Variants in BAZ2B observed in about 807,000 individuals in gnomAD.
The protein encoded by BAZ2B is bromodomain adjacent to zinc finger domain protein 2B.
Under a neutral mutation model 246.0 loss-of-function variants are expected in BAZ2B, and 91 were observed. The ratio of observed to expected loss-of-function variants is 0.37; its 90% CI spans 0.31 to 0.44. The LOEUF (loss-of-function observed/expected upper bound fraction) is 0.44, where lower values mean the gene tolerates loss of function less well. BAZ2B is among the 20% of genes least tolerant of loss of function. The probability of loss-of-function intolerance (pLI) is 1.00; values close to 1 mark genes in which losing one functional copy is unlikely to be tolerated. For synonymous variants in BAZ2B, 855 were observed against 860.0 expected (o/e 0.99, Z 0.10); for missense variants, 2,332 against 2,533.7 (o/e 0.92, Z 1.71).
the BAZ2B span, among the ~76,000 whole-genome samples, chr2:159,654,621 C>T: frequency 6.6e-6 from 1 of 151,764 alleles, no homozygotes; most frequent in South Asian, 2.1e-4. Flanking sequence ...AAAAAAATGC[C>T]AGAAGAACTT....
At chr2:159,610,756 G>A (rs891197336) in intron 1 of BAZ2B, among the ~76,000 whole-genome samples, 1 of 151,914 alleles carries the variant, frequency 6.6e-6, no homozygotes, top group African/African-American at 2.4e-5. Flanking sequence ...TTTTTAAAGC[G>A]TTATCTTTTA....
chr2:159,512,614 G>A (rs1237610538), intron 2 of BAZ2B, among the ~76,000 whole-genome samples: 2 of 152,192 alleles, frequency 1.3e-5, no homozygotes, highest in Non-Finnish European at 2.9e-5. Context: ...CTTAATCTTT[G>A]AAGTTTTATA....
chr2:159,318,217 C>T (rs2062313770), downstream of BAZ2B, among the ~76,000 whole-genome samples: 1 of 152,114 alleles, frequency 6.6e-6, no homozygotes, highest in South Asian at 2.1e-4. Context: ...GTTCTAGAAA[C>T]ACAAAAACCA....
At chr2:159,456,730 G>A (rs1315092052) in intron 3 of BAZ2B, among the ~76,000 whole-genome samples, 2 of 152,148 alleles carry the variant, frequency 1.3e-5, no homozygotes, top group Admixed American at 6.5e-5. Flanking sequence ...AGCATGGAAA[G>A]CATCCTTAGT....
chr2:159,602,175 A>G (rs887627552), intron 1 of BAZ2B, among the ~76,000 whole-genome samples: 33 of 152,228 alleles, frequency 2.2e-4, no homozygotes, highest in African/African-American at 7.5e-4. Context: ...CATAAATGAA[A>G]AAAATGATAC....
chr2:159,539,338 C>A (rs767625885), intron 2 of BAZ2B, among the ~76,000 whole-genome samples: 11 of 152,214 alleles, frequency 7.2e-5, no homozygotes, highest in Non-Finnish European at 1.2e-4. Flanking sequence ...CCATGAATTT[C>A]TCTTCAAGAT....
intron 14 of BAZ2B, among the ~76,000 whole-genome samples, chr2:159,410,182 CTGACAA>C (rs772446984): frequency 2.6e-4 from 39 of 152,184 alleles, no homozygotes; most frequent in Non-Finnish European, 4.4e-4. Context: ...CAATAGCTTA[CTGACAA>C]TATCAGTTTT....
At chr2:159,582,185 T>G (rs1686983067) in intron 1 of BAZ2B, among the ~76,000 whole-genome samples, 1 of 152,212 alleles carries the variant, frequency 6.6e-6, no homozygotes, top group Admixed American at 6.5e-5. Flanking sequence ...AATGCATATT[T>G]AATTAGATTT....
intron 2 of BAZ2B, among the ~76,000 whole-genome samples, chr2:159,484,131 T>C (rs2079557401): frequency 6.6e-6 from 1 of 152,178 alleles, no homozygotes; most frequent in Non-Finnish European, 1.5e-5. Flanking sequence ...TACCCTAAAA[T>C]GGACAAGAAG....
intron 26 of BAZ2B, among the ~76,000 whole-genome samples, chr2:159,374,039 T>A (rs1434776775): frequency 6.6e-6 from 1 of 151,380 alleles, no homozygotes; most frequent in East Asian, 1.9e-4. Flanking sequence ...TAAATTTCAC[T>A]AATGCTATGA....
At chr2:159,475,760 T>C (rs1455391368) in intron 3 of BAZ2B, among the ~76,000 whole-genome samples, 1 of 152,232 alleles carries the variant, frequency 6.6e-6, no homozygotes, top group Admixed American at 6.5e-5. Context: ...TTTTTGTTGA[T>C]ATTGATGCTA....
Position 159,446,954 on chromosome 2 carries a change from C to A in BAZ2B, c.524G>T (p.Gly175Val). The change falls in exon 6 of 37, where the codon GGA (glycine) becomes GTA (valine). Residue 175 changes from glycine to valine, a missense_variant. Transcript: ENST00000392783. ...ACCAATTACAGATGATGTATTACTT[C>A]CATTTATTGACCCATTTACACCTTG... is the stretch of plus-strand genomic sequence containing the variant. ...PEKGVNGSINGSNTSSVIGIN... is the reference protein window; with the variant it reads ...PEKGVNGSINVSNTSSVIGIN... The A allele has an allele frequency of 6.3e-7, 1 of 1,580,372 alleles. No individual in the cohort carries two copies. The highest frequency in any genetic ancestry group is 8.6e-7 in the Non-Finnish European group (1 of 1,165,830).
At chr2:159,484,748 C>T (rs184109780) in intron 2 of BAZ2B, among the ~76,000 whole-genome samples, 1 of 152,166 alleles carries the variant, frequency 6.6e-6, no homozygotes, top group African/African-American at 2.4e-5. Context: ...AGACACGTTG[C>T]CTGAGATATG....
intron 6 of BAZ2B, among the ~76,000 whole-genome samples, chr2:159,439,762 G>C (rs1394961826): frequency 6.6e-6 from 1 of 152,104 alleles, no homozygotes; most frequent in Non-Finnish European, 1.5e-5. Context: ...AAGTGCTGTA[G>C]AGAAGATAAA....
At chr2:159,406,622 T>C (rs541051132) in intron 14 of BAZ2B, among the ~76,000 whole-genome samples, 1 of 152,182 alleles carries the variant, frequency 6.6e-6, no homozygotes, top group African/African-American at 2.4e-5. Context: ...TTAAATTTTG[T>C]AGCCACTGAA....
chr2:159,562,881 T>TA (rs1221113134), intron 1 of BAZ2B, among the ~76,000 whole-genome samples: 1 of 152,102 alleles, frequency 6.6e-6, no homozygotes, highest in East Asian at 1.9e-4. Flanking sequence ...TTGCTTTTTT[T>TA]AAAAAAATCA....
At chr2:159,684,222 A>G in the BAZ2B span, among the ~76,000 whole-genome samples, 1 of 152,228 alleles carries the variant, frequency 6.6e-6, no homozygotes, top group Non-Finnish European at 1.5e-5. Context: ...AAGCTGACGA[A>G]TATTTGTGCT....
intron 33 of BAZ2B, among the ~76,000 whole-genome samples, chr2:159,333,321 GATACA>G (rs1316250791): frequency 7.9e-5 from 12 of 152,038 alleles, no homozygotes; most frequent in Non-Finnish European, 5.9e-5. Flanking sequence ...AAGGAAAAAA[GATACA>G]ATACATGTAA....
At chr2:159,339,499 AAC>A (rs2066263115) in intron 31 of BAZ2B, among the ~76,000 whole-genome samples, 1 of 152,166 alleles carries the variant, frequency 6.6e-6, no homozygotes, top group South Asian at 2.1e-4. Flanking sequence ...CACTATGAAA[AAC>A]AGTGTGAAAG....
Sources: allele counts gnomAD v4.1 joint callset (sites outside exome capture counted in the v4.1 genomes callset), GRCh38; gene constraint gnomAD v4.1.1; transcripts MANE v1.5; gene names NCBI Gene and HGNC (gene_info 2026-07-23, HGNC 2026-07-21).